Variants in DPY19L4 observed in about 807,000 individuals in gnomAD.
The protein encoded by DPY19L4 is probable C-mannosyltransferase DPY19L4.
Under a neutral mutation model 102.8 loss-of-function variants are expected in DPY19L4, and 97 were observed. That is an observed-to-expected ratio of 0.94 (90% confidence interval 0.80 to 1.12). The LOEUF is 1.12. Among genes scored for constraint, DPY19L4 ranks in the 50% most tolerant of loss-of-function variants. The probability of loss-of-function intolerance (pLI) is 0.00; values close to 1 mark genes in which losing one functional copy is unlikely to be tolerated. For synonymous variants in DPY19L4, 252 were observed against 283.1 expected (o/e 0.89, Z 1.10); for missense variants, 815 against 850.4 (o/e 0.96, Z 0.52).
At chr8:94,746,316 C>G (rs1377188820) in intron 6 of DPY19L4, among the ~76,000 whole-genome samples, 2 of 151,946 alleles carry the variant, frequency 1.3e-5, no homozygotes, top group Non-Finnish European at 2.9e-5. Context: ...CTGCCTTGGC[C>G]TCCCAAAGTG....
At chr8:94,750,785 CTT>C (rs768001663) in intron 6 of DPY19L4, among the ~76,000 whole-genome samples, 50 of 140,730 alleles carry the variant, frequency 3.6e-4, no homozygotes, top group East Asian at 4.1e-4. Context: ...CCAAAATTTC[CTT>C]TTTTTTTTTT....
chr8:94,739,306 A>C, intron 4 of DPY19L4, 107 bp from the exon 5 acceptor site: 1 of 1,322,574 alleles, frequency 7.6e-7, no homozygotes, highest in Non-Finnish European at 1.0e-6. Context: ...GGAGTATTCT[A>C]TTTGGGATCT....
At chr8:94,722,547 T>G (rs1445288887) in intron 1 of DPY19L4, among the ~76,000 whole-genome samples, 1 of 152,216 alleles carries the variant, frequency 6.6e-6, no homozygotes, top group African/African-American at 2.4e-5. Context: ...CATTTCTAAT[T>G]CCATAAATAT....
At position 94,744,080 on chromosome 8, in the gene DPY19L4, G is replaced by A. The variant is rs555528300; in HGVS notation, c.611+4290G>A. Among the ~76,000 whole-genome samples, 8 of 152,334 alleles carry A rather than the reference G, an allele frequency of 5.3e-5. No individual in the cohort carries two copies. The South Asian group carries it at 6.2e-4, about 12-fold the overall frequency. On this transcript the variant is annotated intron_variant, in intron 6 of 18. Coordinates refer to ENST00000414645, the MANE Select transcript of DPY19L4 (RefSeq NM_181787.3). ...GTTATTGCTGCATAACAAATCACCC[G>A]AAATTTAACAGCTTAAAACAACAAA...
At chr8:94,773,334 T>C (rs925397288) in intron 13 of DPY19L4, among the ~76,000 whole-genome samples, 6 of 149,490 alleles carry the variant, frequency 4.0e-5, no homozygotes, top group Admixed American at 1.3e-4. Context: ...AAGAAAATGT[T>C]ACCATCTTTA....
At chr8:94,775,184 C>CT (rs34816783) in intron 13 of DPY19L4, among the ~76,000 whole-genome samples, 26,421 of 147,330 alleles carry the variant, frequency 0.18, 2,345 homozygotes, top group Admixed American at 0.22. Flanking sequence ...CAGAGCTTTC[C>CT]TTTTTTTTTT....
At chr8:94,774,332 C>T (rs181190807) in intron 13 of DPY19L4, among the ~76,000 whole-genome samples, 142 of 151,422 alleles carry the variant, frequency 9.4e-4, no homozygotes, top group Non-Finnish European at 1.4e-3. Flanking sequence ...TAGGCATGAG[C>T]CCCTGTGCCC....
At chr8:94,752,397 C>T (rs1811971441) in intron 6 of DPY19L4, among the ~76,000 whole-genome samples, 1 of 151,670 alleles carries the variant, frequency 6.6e-6, no homozygotes, top group Admixed American at 6.6e-5. Flanking sequence ...ATCATCCTGG[C>T]CAACATGGTG....
chr8:94,779,517 C>T (rs1181726179), intron 14 of DPY19L4, among the ~76,000 whole-genome samples: 2 of 150,078 alleles, frequency 1.3e-5, no homozygotes, highest in Admixed American at 1.3e-4. Context: ...TTTGTAGAGA[C>T]AGGGTCTCAC....
chr8:94,774,875 C>G (rs967659908), intron 13 of DPY19L4, among the ~76,000 whole-genome samples: 1 of 152,066 alleles, frequency 6.6e-6, no homozygotes, highest in Non-Finnish European at 1.5e-5. Flanking sequence ...CCGCGCCCAG[C>G]CTTTATTTTC....
chr8:94,738,715 T>C (rs1811305640), intron 4 of DPY19L4, among the ~76,000 whole-genome samples: 1 of 151,976 alleles, frequency 6.6e-6, no homozygotes, highest in Non-Finnish European at 1.5e-5. Context: ...GGTTTCACCA[T>C]GTTGGCCAGG....
chr8:94,768,735 T>C (rs1055594560), intron 12 of DPY19L4, among the ~76,000 whole-genome samples, 182 bp downstream of exon 12: 3 of 152,276 alleles, frequency 2.0e-5, no homozygotes. Context: ...GGCTCATGCC[T>C]ATAATCCCAG....
intron 16 of DPY19L4, among the ~76,000 whole-genome samples, chr8:94,782,314 T>G (rs905221067): frequency 6.6e-6 from 1 of 152,140 alleles, no homozygotes; most frequent in African/African-American, 2.4e-5. Context: ...CAGGTTAACT[T>G]GGGCTTGTTT....
chr8:94,731,339 TA>T (rs1356566576), intron 2 of DPY19L4, among the ~76,000 whole-genome samples: 4 of 152,230 alleles, frequency 2.6e-5, no homozygotes, highest in African/African-American at 9.7e-5. Flanking sequence ...AGCATAATAG[TA>T]ATAGCAAATA....
intron 6 of DPY19L4, among the ~76,000 whole-genome samples, chr8:94,747,396 A>G (rs970402973): frequency 2.3e-4 from 28 of 122,110 alleles, no homozygotes; most frequent in South Asian, 9.2e-4. Flanking sequence ...TATTATTAAG[A>G]CTATGTCATT....
chr8:94,747,013 A>C (rs1031866945), intron 6 of DPY19L4, among the ~76,000 whole-genome samples: 1 of 148,570 alleles, frequency 6.7e-6, no homozygotes, highest in Non-Finnish European at 1.5e-5. Context: ...ACTACAAACA[A>C]TTTTTTTTTT....
At chr8:94,761,604 A>G in intron 7 of DPY19L4, 96 bp from the exon 8 acceptor site, 1 of 1,107,764 alleles carries the variant, frequency 9.0e-7, no homozygotes, top group Non-Finnish European at 1.2e-6. Context: ...TTAAAGTTGA[A>G]CGAGTAACAG....
At chr8:94,726,518 T>G (rs1404255071) in intron 2 of DPY19L4, 77 bp downstream of exon 2, 1 of 1,175,080 alleles carries the variant, frequency 8.5e-7, no homozygotes, top group Non-Finnish European at 1.2e-6. Flanking sequence ...GTCAATATTT[T>G]AAATATACAT....
intron 6 of DPY19L4, among the ~76,000 whole-genome samples, chr8:94,754,510 A>C (rs2130858918): frequency 6.6e-6 from 1 of 152,284 alleles, no homozygotes; most frequent in South Asian, 2.1e-4. Context: ...AGTATTCAGG[A>C]GTGTATTACT....
Sources: allele counts gnomAD v4.1 joint callset (sites outside exome capture counted in the v4.1 genomes callset), GRCh38; gene constraint gnomAD v4.1.1; transcripts MANE v1.5; gene names NCBI Gene and HGNC (gene_info 2026-07-23, HGNC 2026-07-21).